The following NCOR2 variants were observed in gnomAD, a reference collection of about 807,000 sequenced individuals.
NCOR2 encodes CTG repeat protein 26.
Under a neutral mutation model 262.9 loss-of-function variants are expected in NCOR2, and 81 were observed. That is an observed-to-expected ratio of 0.31 (90% CI 0.26 to 0.37). The LOEUF is 0.37. NCOR2 is among the 10% of genes least tolerant of loss of function. NCOR2 has a pLI of 1.00. For synonymous variants in NCOR2, 1,659 were observed against 1,559.3 expected, an observed-to-expected ratio of 1.06 and a Z score of -1.51; for missense variants, 3,385 against 3,621.4, an observed-to-expected ratio of 0.93 and a Z score of 1.68.
chr12:124,381,563 T>C (rs569508089), intron 17 of NCOR2, among the ~76,000 whole-genome samples: 2 of 152,324 alleles, frequency 1.3e-5, no homozygotes, highest in South Asian at 4.1e-4. Flanking sequence ...TGTAACTATG[T>C]CTTTAGATGA....
intron 13 of NCOR2, among the ~76,000 whole-genome samples, chr12:124,418,615 CTT>C (rs1411082703): frequency 6.6e-6 from 1 of 152,232 alleles, no homozygotes; most frequent in Non-Finnish European, 1.5e-5. Flanking sequence ...TCTGGGGACA[CTT>C]TGTGTCTACC....
At position 124,329,899 on chromosome 12, in the gene NCOR2, C is replaced by T. The variant is rs530547645; in HGVS notation, c.6958+946G>A. 5.3e-5 allele frequency among the ~76,000 whole-genome samples: 8 copies of T among 152,302 alleles called. No homozygotes were observed. In the South Asian group the frequency reaches 1.2e-3, roughly 24 times the overall value. ...TTCATTTCTAACCCTCTTGTTGTTT[C>T]GACCAAATTGTCTTCTTCCCGTTGC... On this transcript the variant is annotated intron_variant, in intron 44 of 46. Coordinates refer to ENST00000405201, the Ensembl canonical transcript of NCOR2.
chr12:124,450,255 G>A (rs1003501973), intron 6 of NCOR2, among the ~76,000 whole-genome samples: 9 of 152,182 alleles, frequency 5.9e-5, no homozygotes, highest in Admixed American at 2.6e-4. Context: ...GGAAACGCGC[G>A]TCCCAACGCT....
At chr12:124,439,658 A>G (rs550823595) in intron 7 of NCOR2, among the ~76,000 whole-genome samples, 374 of 152,112 alleles carry the variant, frequency 2.5e-3, no homozygotes, top group African/African-American at 8.6e-3. Flanking sequence ...GAGATCCAAG[A>G]AAGGACAGAG....
chr12:124,529,070 T>C (rs2050637462), intron 1 of NCOR2, among the ~76,000 whole-genome samples: 1 of 148,180 alleles, frequency 6.7e-6, no homozygotes, highest in South Asian at 2.1e-4. Context: ...TCCCAGCTTC[T>C]AGGGAGGCTG....
rs1736990157 is a variant in NCOR2, at chr12:124,362,310, G to A, written c.2929-13C>T. 1.5e-6 allele frequency: 2 copies of A among 1,335,474 alleles called. No individual in the cohort carries two copies. Among genetic ancestry groups the A allele is most frequent in the Non-Finnish European group, 1.9e-6 (2 of 1,043,276 alleles). The allele number at this position is 1,335,474 out of a possible 1,614,324, so 82.7% of individuals were successfully genotyped here. A position where few individuals can be genotyped will look rare whatever the true frequency, so the allele number is the denominator to read the frequency against. The stretch of plus-strand genomic sequence containing the variant: ...CTTTGGTGACCTGCTGAGGGAAGCA[G>A]GCAGAAGTGAGCATTCACAGAGGGT... On this transcript the variant is annotated splice_polypyrimidine_tract_variant and intron_variant, in intron 21 of 46. Transcript: ENST00000405201.
At chr12:124,354,862 G>A (rs1364564883) in exon 25 of NCOR2, 1 of 1,612,898 alleles carries the variant, frequency 6.2e-7, no homozygotes. Flanking sequence ...CCATGGGCAG[G>A]GGCAGCCCCA....
At chr12:124,415,517 G>T (rs1248746794) in intron 13 of NCOR2, among the ~76,000 whole-genome samples, 1 of 152,224 alleles carries the variant, frequency 6.6e-6, no homozygotes, top group African/African-American at 2.4e-5. Flanking sequence ...CCTGTGGGGG[G>T]TGGCAGGGCC....
intron 28 of NCOR2, 175 bp from the exon 31 acceptor site, chr12:124,348,489 G>A (rs2037133042): frequency 1.1e-5 from 9 of 840,096 alleles, no homozygotes; most frequent in Non-Finnish European, 1.6e-5. Flanking sequence ...AGGCCCTGGG[G>A]GCCTGCCAGC....
intron 1 of NCOR2, 72 bp downstream of exon 2, chr12:124,535,493 C>G (rs2051083766): frequency 6.6e-6 from 1 of 152,354 alleles, no homozygotes; most frequent in Non-Finnish European, 1.5e-5. Context: ...AATTCCAGAC[C>G]CACTTCCCGT....
chr12:124,497,382 C>T (rs949746406), upstream of NCOR2, among the ~76,000 whole-genome samples: 1 of 152,232 alleles, frequency 6.6e-6, no homozygotes, highest in African/African-American at 2.4e-5. This position sits in a 1 kb window ranked among gnomAD's most constrained non-coding sequence, Gnocchi z 4.2. Flanking sequence ...TGGCCTTGGG[C>T]AAGTCACTTG....
chr12:124,455,811 C>T (rs969902489), intron 6 of NCOR2, among the ~76,000 whole-genome samples: 1 of 152,234 alleles, frequency 6.6e-6, no homozygotes, highest in Non-Finnish European at 1.5e-5. Flanking sequence ...AGCCCCTTTC[C>T]TAAGGCCACT....
chr12:124,531,855 A>T lies in NCOR2; in HGVS notation c.-118+3710T>A, dbSNP rs1163953125. On this transcript the variant is annotated intron_variant, in intron 1 of 46. Transcript: ENST00000404621. The surrounding 1 kb of genome is among the most constrained non-coding windows in gnomAD (Gnocchi z 4.5). ...CACCCACACCGGACCCCTCACCCCA[A>T]TGTATAGACAATCCCAGACACCCAC... Among the ~76,000 whole-genome samples, 5 of 147,030 alleles carry T rather than the reference A, an allele frequency of 3.4e-5. No individual in the cohort carries two copies. Among genetic ancestry groups the T allele is most frequent in the African/African-American group, 1.3e-4 (5 of 38,960 alleles).
intron 1 of NCOR2, among the ~76,000 whole-genome samples, chr12:124,543,275 T>C (rs1566044453): frequency 6.6e-6 from 1 of 152,232 alleles, no homozygotes; most frequent in Non-Finnish European, 1.5e-5. Context: ...GCCACCTGTC[T>C]GCTCCCAACA....
rs141297356 is a variant in NCOR2, at chr12:124,345,961, G to A, written c.4359+603C>T. Among the ~76,000 whole-genome samples the A allele has an allele frequency of 1.0e-2, 1,515 of 152,216 alleles. 13 individuals carry two copies. The highest frequency in any genetic ancestry group is 0.017 in the Middle Eastern group (5 of 294). ...AACAGCTCCTCGTCCTCGTACCATC[G>A]GCACGGAACTTCCCCTACTGAGCTG... On this transcript the variant is annotated intron_variant, in intron 31 of 46. Coordinates refer to ENST00000405201, the Ensembl canonical transcript of NCOR2.
intron 3 of NCOR2, among the ~76,000 whole-genome samples, chr12:124,475,558 T>C (rs1301290643): frequency 1.3e-5 from 2 of 152,238 alleles, no homozygotes; most frequent in Non-Finnish European, 2.9e-5. Flanking sequence ...GCCATTGTAT[T>C]GCAAAAGCAG....
chr12:124,483,466 C>A lies in NCOR2; in HGVS notation c.411+130G>T, dbSNP rs2047609979. 1 of 1,032,576 alleles carries A rather than the reference C, an allele frequency of 9.7e-7. No individual in the cohort carries two copies. Among genetic ancestry groups the A allele is most frequent in the Non-Finnish European group, 1.3e-6 (1 of 741,086 alleles). 64.0% of individuals were successfully genotyped at this position (1,032,576 alleles called of 1,614,324 possible). ...GCCACCCAGCTCTGTGCACCCGGTG[C>A]TTGGCCCACCTCCAAGCCTTTGCCC... On this transcript the variant is annotated intron_variant, in intron 3 of 46. Coordinates refer to ENST00000405201, the Ensembl canonical transcript of NCOR2. This position sits in a 1 kb window ranked among gnomAD's most constrained non-coding sequence, Gnocchi z 6.3.
intron 7 of NCOR2, among the ~76,000 whole-genome samples, chr12:124,446,806 T>A (rs2045203552): frequency 6.6e-6 from 1 of 152,220 alleles, no homozygotes; most frequent in Non-Finnish European, 1.5e-5. Flanking sequence ...CTAAAATTAT[T>A]AGGACAAATC....
At chr12:124,453,575 C>A (rs945093505) in intron 6 of NCOR2, among the ~76,000 whole-genome samples, 2 of 152,206 alleles carry the variant, frequency 1.3e-5, no homozygotes, top group Admixed American at 1.3e-4. Flanking sequence ...GGAGGCGGCC[C>A]CCCTCGGGCT....
Sources: allele counts gnomAD v4.1 joint callset (sites outside exome capture counted in the v4.1 genomes callset), GRCh38; gene constraint gnomAD v4.1.1; non-coding constraint Gnocchi (gnomAD v3.1); transcripts MANE v1.5; gene names NCBI Gene and HGNC (gene_info 2026-07-23, HGNC 2026-07-21).